The following CHD6 variants were observed in gnomAD, a reference collection of about 807,000 sequenced individuals.
CHD6 encodes ATP-dependent chromatin remodeler CHD6.
In CHD6, 50 loss-of-function variants were observed where a neutral mutation model predicts 276.9. The ratio of observed to expected loss-of-function variants is 0.18; its 90% CI spans 0.14 to 0.23. The LOEUF (loss-of-function observed/expected upper bound fraction) is 0.23. Ranked by LOEUF, CHD6 falls within the 10% of genes least tolerant of loss-of-function variation. CHD6 has a pLI of 1.00. For missense variants in CHD6, 2,564 were observed against 3,365.8 expected (o/e 0.76, Z 5.89); for synonymous variants, 1,173 against 1,229.3 (o/e 0.95, Z 0.96).
chr20:41,545,236 C>A (rs116928460), intron 2 of CHD6, among the ~76,000 whole-genome samples: 2,464 of 152,316 alleles, frequency 0.016, 33 homozygotes, highest in Non-Finnish European at 0.027. Context: ...GTCCTAGCTT[C>A]ATCCACAGCT....
At position 41,533,486 on chromosome 20, in the gene CHD6, A is replaced by G. The variant is rs761438267; in HGVS notation, c.118T>C (p.Cys40Arg). The G allele has an allele frequency of 6.2e-7, 1 of 1,614,010 alleles. No individual in the cohort carries two copies. Among genetic ancestry groups the G allele is most frequent in the African/African-American group, 1.3e-5 (1 of 74,926 alleles). Residue 40 changes from cysteine to arginine, a missense_variant, in exon 3 of 37, where the codon TGC (cysteine) becomes CGC (arginine). By Grantham distance (180) the Cys-to-Arg change is radical (BLOSUM62 -3). Transcript: ENST00000373233. ...FDYKSPSPFD[C>R]STDQEEKIED... is the part of the protein sequence containing the mutation. Reference sequence around the variant, plus strand: ...ATTTTCTCTTCTTGATCAGTGCTGCAGTCAAATGGGGATGGAGATTTGTAG... The same window carrying G: ...ATTTTCTCTTCTTGATCAGTGCTGCGGTCAAATGGGGATGGAGATTTGTAG...
intron 5 of CHD6, among the ~76,000 whole-genome samples, chr20:41,504,863 TTTTTA>T (rs2043939467): frequency 6.6e-6 from 1 of 152,344 alleles, no homozygotes; most frequent in Non-Finnish European, 1.5e-5. Context: ...TGTCTAATTT[TTTTTA>T]TTTTATGTTG....
intron 3 of CHD6, among the ~76,000 whole-genome samples, chr20:41,526,467 T>C (rs979818989): frequency 2.6e-5 from 4 of 152,218 alleles, no homozygotes; most frequent in African/African-American, 9.7e-5. Context: ...CCAGCTCTTG[T>C]GAGGAGGAAA....
At chr20:41,416,473 C>CT in intron 33 of CHD6, 115 bp downstream of exon 33, 3 of 941,350 alleles carry the variant, frequency 3.2e-6, no homozygotes, top group Non-Finnish European at 4.7e-6. Context: ...AATGGCTTGG[C>CT]AAAAAAAAAC....
intron 4 of CHD6, among the ~76,000 whole-genome samples, 194 bp downstream of exon 4, chr20:41,514,610 TG>T (rs796952358): frequency 5.9e-5 from 9 of 152,192 alleles, no homozygotes; most frequent in African/African-American, 2.2e-4. Context: ...ACTAAAAAAC[TG>T]GGATATCATT....
At chr20:41,517,890 T>C (rs2044290152) in intron 3 of CHD6, among the ~76,000 whole-genome samples, 1 of 152,262 alleles carries the variant, frequency 6.6e-6, no homozygotes, top group Non-Finnish European at 1.5e-5. Context: ...GTATTTTGCC[T>C]CTTTTTTTCT....
At chr20:41,579,895 T>G (rs1266501184) in intron 1 of CHD6, among the ~76,000 whole-genome samples, 2 of 152,220 alleles carry the variant, frequency 1.3e-5, no homozygotes, top group Non-Finnish European at 2.9e-5. Flanking sequence ...AGAAATAATC[T>G]TTAGTACAAT....
chr20:41,528,122 TTC>T (rs1402756525), intron 3 of CHD6, among the ~76,000 whole-genome samples: 2 of 152,228 alleles, frequency 1.3e-5, no homozygotes, highest in Admixed American at 6.5e-5. Context: ...AATAAGAAAT[TTC>T]TTTCTCAAAT....
intron 27 of CHD6, among the ~76,000 whole-genome samples, chr20:41,433,388 G>A (rs1303180807): frequency 6.6e-6 from 1 of 152,144 alleles, no homozygotes; most frequent in South Asian, 2.1e-4. Context: ...ATTACCAATA[G>A]GGGAAAAACT....
In CHD6 at chr20:41,404,994, A is replaced by G; in HGVS notation, c.7747T>C (p.Leu2583=). 6.2e-7 allele frequency: 1 copy of G among 1,614,142 alleles called. No homozygotes were observed. The highest frequency in any genetic ancestry group is 8.5e-7 in the Non-Finnish European group (1 of 1,180,018). ...PSSHDVKTDT[L]AEDKPGPGPF... Reference sequence around the variant, plus strand: ...CCTGGACCAGGCTTGTCCTCAGCTAAAGTGTCTGTTTTCACATCATGGCTA... The same window carrying G: ...CCTGGACCAGGCTTGTCCTCAGCTAGAGTGTCTGTTTTCACATCATGGCTA... Residue 2583 remains leucine (L), a synonymous_variant, in exon 37 of 37, where the codon TTA becomes CTA. Transcript: ENST00000373233.
chr20:41,548,939 T>C (rs1374660050), intron 2 of CHD6, among the ~76,000 whole-genome samples: 2 of 151,962 alleles, frequency 1.3e-5, no homozygotes, highest in African/African-American at 4.8e-5. Context: ...AAAACCACAA[T>C]GAGATACCAT....
At chr20:41,552,785 C>T (rs182638889) in intron 1 of CHD6, among the ~76,000 whole-genome samples, 2 of 152,292 alleles carry the variant, frequency 1.3e-5, no homozygotes, top group Non-Finnish European at 2.9e-5. Flanking sequence ...CAAGGTACTG[C>T]TGTTTGCAAA....
intron 25 of CHD6, among the ~76,000 whole-genome samples, chr20:41,445,188 TATC>T (rs2048027401): frequency 6.6e-6 from 1 of 152,264 alleles, no homozygotes; most frequent in Admixed American, 6.5e-5. Flanking sequence ...CAGTCTATGC[TATC>T]TTCTATGCTT....
chr20:41,427,963 C>T (rs1367751282), intron 27 of CHD6, among the ~76,000 whole-genome samples: 1 of 152,180 alleles, frequency 6.6e-6, no homozygotes, highest in Non-Finnish European at 1.5e-5. Context: ...CTACACAACA[C>T]AGGTGGCAGG....
chr20:41,423,140 A>G lies in CHD6; in HGVS notation c.4555+352T>C, dbSNP rs1360256703. Among the ~76,000 whole-genome samples the G allele has an allele frequency of 2.6e-5, 4 of 152,236 alleles. No homozygotes were observed. In the East Asian group the frequency reaches 7.7e-4, roughly 29 times the overall value. On this transcript the variant is annotated intron_variant, in intron 30 of 36. Coordinates refer to ENST00000373233, the MANE Select transcript of CHD6 (RefSeq NM_032221.5). ...ACTTAAAGTTATTAAGACTTAATCT[A>G]AGGAAGGTGCAAAGTTCAGAGTAGG...
intron 35 of CHD6, among the ~76,000 whole-genome samples, chr20:41,412,660 T>C (rs979534418): frequency 1.3e-5 from 2 of 152,242 alleles, no homozygotes; most frequent in African/African-American, 2.4e-5. Flanking sequence ...CTCCTCTTCC[T>C]GTGCGCTCTC....
In CHD6 at chr20:41,514,799, C is replaced by T; in HGVS notation, c.702+6G>A. 3 of 1,613,480 alleles carry T rather than the reference C, an allele frequency of 1.9e-6. No individual in the cohort carries two copies. The South Asian group carries it at 3.3e-5, about 18-fold the overall frequency. ...TCTCCACCAGGCCTCCCGGTCACAGCTGTACCTGGCTGTCTGTAGACTCAG... is the reference window on the plus strand; with the variant it reads ...TCTCCACCAGGCCTCCCGGTCACAGTTGTACCTGGCTGTCTGTAGACTCAG... On this transcript the variant is annotated splice_donor_region_variant and intron_variant, in intron 4 of 36. Transcript: ENST00000373233.
chr20:41,495,737 C>T (rs1184418818), intron 8 of CHD6, among the ~76,000 whole-genome samples: 2 of 152,166 alleles, frequency 1.3e-5, no homozygotes, highest in Non-Finnish European at 2.9e-5. Context: ...TCAAGTTGTA[C>T]ACCTTAAATA....
chr20:41,529,355 AG>A (rs893259202), intron 3 of CHD6, among the ~76,000 whole-genome samples: 2 of 152,206 alleles, frequency 1.3e-5, no homozygotes, highest in Non-Finnish European at 2.9e-5. Flanking sequence ...TGACGGGAAA[AG>A]TAGCCTGTTT....
Sources: allele counts gnomAD v4.1 joint callset (sites outside exome capture counted in the v4.1 genomes callset), GRCh38; gene constraint gnomAD v4.1.1; transcripts MANE v1.5; gene names NCBI Gene and HGNC (gene_info 2026-07-23, HGNC 2026-07-21).